SCARA5: variants seen among roughly 807,000 people sequenced by gnomAD.
The protein encoded by SCARA5 is scavenger receptor class A member 5, also known as scavenger receptor class A, member 5 (putative).
SCARA5 carries 45 observed loss-of-function variants against 46.3 expected under a neutral mutation model. That is an observed-to-expected ratio of 0.97 (90% confidence interval 0.76 to 1.24). The LOEUF (loss-of-function observed/expected upper bound fraction) is 1.24. Ranked by LOEUF, SCARA5 falls within the 50% of genes most tolerant of loss-of-function variation. The pLI is 0.00. For missense variants in SCARA5, 680 were observed against 689.0 expected (o/e 0.99, Z 0.15); for synonymous variants, 333 against 306.5 (o/e 1.09, Z -0.90).
chr8:27,939,307 G>T (rs1807905920), intron 3 of SCARA5, among the ~76,000 whole-genome samples: 1 of 152,312 alleles, frequency 6.6e-6, no homozygotes, highest in East Asian at 1.9e-4. Flanking sequence ...TAACTTGCAG[G>T]CTCTAAAGAG....
chr8:27,976,520 C>A (rs972505785), intron 2 of SCARA5, among the ~76,000 whole-genome samples: 1 of 152,212 alleles, frequency 6.6e-6, no homozygotes, highest in Non-Finnish European at 1.5e-5. Context: ...ACTCCTCTTT[C>A]TGGGATGCTA....
At chr8:27,875,881 G>T (rs549979875) in intron 8 of SCARA5, among the ~76,000 whole-genome samples, 4 of 152,290 alleles carry the variant, frequency 2.6e-5, no homozygotes, top group South Asian at 2.1e-4. Flanking sequence ...TGTGCCTGTG[G>T]TCCCAGCTAC....
At chr8:27,897,263 G>GCTCCCGGGGAC (rs1295938729) in intron 7 of SCARA5, among the ~76,000 whole-genome samples, 1 of 152,090 alleles carries the variant, frequency 6.6e-6, no homozygotes, top group Non-Finnish European at 1.5e-5. Flanking sequence ...GACATCAAAG[G>GCTCCCGGGGAC]CTCCCGGGGA....
intron 7 of SCARA5, among the ~76,000 whole-genome samples, chr8:27,885,591 C>T (rs1265566903): frequency 6.6e-6 from 1 of 152,290 alleles, no homozygotes; most frequent in South Asian, 2.1e-4. Context: ...GGGCATGGCT[C>T]CCCAGAGTCC....
At chr8:27,967,776 G>A (rs1808392039) in intron 2 of SCARA5, among the ~76,000 whole-genome samples, 1 of 152,162 alleles carries the variant, frequency 6.6e-6, no homozygotes, top group Non-Finnish European at 1.5e-5. Context: ...AGCTGGGCGT[G>A]GTGTCGCGTG....
chr8:27,915,606 T>C (rs74320543), intron 4 of SCARA5, among the ~76,000 whole-genome samples: 154 of 152,340 alleles, frequency 1.0e-3, no homozygotes, highest in African/African-American at 3.6e-3. Flanking sequence ...TTTATAAATA[T>C]TTGCTGAACT....
At position 27,892,173 on chromosome 8, in the gene SCARA5, A is replaced by G. The variant is rs144782959; in HGVS notation, c.1154-12407T>C. The stretch of plus-strand genomic sequence containing the variant: ...ACTGAGAGGCAGGGATGGTGGAATC[A>G]ATAAGCCATGTTGGAGAAGAGGCCT... On this transcript the variant is annotated intron_variant, in intron 7 of 8. Coordinates refer to ENST00000354914, the MANE Select transcript of SCARA5 (RefSeq NM_173833.6). 9.6e-3 allele frequency among the ~76,000 whole-genome samples: 1,464 copies of G among 152,356 alleles called. 28 individuals are homozygous for G. Among genetic ancestry groups the G allele is most frequent in the African/African-American group, 0.033 (1,381 of 41,566 alleles).
At chr8:27,928,714 G>A (rs940327677) in intron 3 of SCARA5, among the ~76,000 whole-genome samples, 6 of 152,004 alleles carry the variant, frequency 3.9e-5, no homozygotes, top group African/African-American at 1.4e-4. Context: ...TGCTCAGGCT[G>A]GAGTGGAGTG....
At chr8:27,936,887 G>A (rs1361253212) in intron 3 of SCARA5, among the ~76,000 whole-genome samples, 2 of 152,082 alleles carry the variant, frequency 1.3e-5, no homozygotes, top group African/African-American at 4.8e-5. Context: ...ATTCCCTATT[G>A]GTGGTCTAGG....
chr8:27,882,115 T>C (rs889675865), intron 7 of SCARA5, among the ~76,000 whole-genome samples: 2 of 152,220 alleles, frequency 1.3e-5, no homozygotes, highest in South Asian at 2.1e-4. Context: ...CAGGATGTCA[T>C]AGTTGGAATC....
At chr8:27,924,238 C>T (rs1807646205) in intron 3 of SCARA5, among the ~76,000 whole-genome samples, 1 of 152,174 alleles carries the variant, frequency 6.6e-6, no homozygotes, top group African/African-American at 2.4e-5. Flanking sequence ...AGAACAAATT[C>T]CACCTTGAAA....
At chr8:27,934,056 C>G (rs970332182) in intron 3 of SCARA5, among the ~76,000 whole-genome samples, 1 of 152,128 alleles carries the variant, frequency 6.6e-6, no homozygotes, top group Admixed American at 6.5e-5. Context: ...GTGTAATAAA[C>G]AGCAATAAAA....
At chr8:27,939,948 G>A (rs539169756) in intron 3 of SCARA5, among the ~76,000 whole-genome samples, 47 of 152,282 alleles carry the variant, frequency 3.1e-4, no homozygotes, top group Admixed American at 1.3e-3. Flanking sequence ...CCTAGGTTGC[G>A]TTAGAGGCCC....
At position 27,892,842 on chromosome 8, in the gene SCARA5, G is replaced by A. The variant is rs1016821231; in HGVS notation, c.1153+11936C>T. Among the ~76,000 whole-genome samples, 11 of 152,218 alleles carry A rather than the reference G, an allele frequency of 7.2e-5. No individual in the cohort carries two copies. The South Asian group carries it at 1.0e-3, about 14-fold the overall frequency. On this transcript the variant is annotated intron_variant, in intron 7 of 8. Transcript: ENST00000354914. ...AGGATGGTCTCGATCTCCTGACCTC[G>A]TGATCCGCCTGCCTGGGCCTCCCAA... is the stretch of plus-strand genomic sequence containing the variant.
intron 3 of SCARA5, among the ~76,000 whole-genome samples, chr8:27,963,993 C>A (rs1195854409): frequency 1.3e-5 from 2 of 152,188 alleles, no homozygotes; most frequent in Non-Finnish European, 2.9e-5. Context: ...GAAGGGGAAG[C>A]CCTCTCCCAT....
Position 27,989,129 on chromosome 8 carries a change from C to CTTTTTTTTTTTTTT in SCARA5, c.-15-1513_-15-1500dup, listed in dbSNP as rs34929623. 9.7e-4 allele frequency among the ~76,000 whole-genome samples: 66 copies of CTTTTTTTTTTTTTT among 68,312 alleles called. 1 individual carries two copies. The highest frequency in any genetic ancestry group is 1.8e-3 in the East Asian group (4 of 2,266). 44.8% of individuals were successfully genotyped at this position (68,312 alleles called of 152,430 possible). A position where few individuals can be genotyped will look rare whatever the true frequency, so the allele number is the denominator to read the frequency against. ...TTTTTTTTTTTCTGTTTCTTTCTTT[C>CTTTTTTTTTTTTTT]TTTTTTTTTTTTTTTTTTTTTTTTG... On this transcript the variant is annotated intron_variant, in intron 1 of 8. Coordinates refer to ENST00000354914, the MANE Select transcript of SCARA5 (RefSeq NM_173833.6).
rs188612879 is a variant in SCARA5, at chr8:27,912,569, G to C, written c.917-2826C>G. Among the ~76,000 whole-genome samples, 857 of 152,340 alleles carry C rather than the reference G, an allele frequency of 5.6e-3. 33 individuals are homozygous for C. Among genetic ancestry groups the C allele is most frequent in the Admixed American group, 0.051 (779 of 15,300 alleles). On this transcript the variant is annotated intron_variant, in intron 4 of 8. Transcript: ENST00000354914. ...ATGCGTTCCACTACCCCTTCCCAGC[G>C]ATCTCCCCTTAAGGCCAAGGCCAAG...
At chr8:27,879,796 G>A (rs1303328731) in intron 7 of SCARA5, 30 bp from the exon 8 acceptor site, 1 of 1,608,028 alleles carries the variant, frequency 6.2e-7, no homozygotes, top group South Asian at 1.1e-5. Flanking sequence ...TCACTACCCA[G>A]CTCTAGATAC....
intron 2 of SCARA5, among the ~76,000 whole-genome samples, chr8:27,986,436 A>C (rs958491117): frequency 3.9e-5 from 6 of 152,012 alleles, no homozygotes; most frequent in African/African-American, 1.4e-4. Context: ...GAGATTTTTT[A>C]ATTTGTGTTT....
Sources: allele counts gnomAD v4.1 joint callset (sites outside exome capture counted in the v4.1 genomes callset), GRCh38; gene constraint gnomAD v4.1.1; transcripts MANE v1.5; gene names NCBI Gene and HGNC (gene_info 2026-07-23, HGNC 2026-07-21).